NLRC5: variants seen among roughly 807,000 people sequenced by gnomAD.
NLRC5 encodes protein NLRC5.
A neutral mutation model predicts 206.9 loss-of-function variants in NLRC5; 114 were observed. The ratio of observed to expected loss-of-function variants is 0.55; its 90% CI spans 0.47 to 0.64. NLRC5 has a LOEUF of 0.64. Among genes scored for constraint, NLRC5 ranks in the 30% least tolerant of loss-of-function variants. The probability of loss-of-function intolerance (pLI) is 0.00; values close to 1 mark genes in which losing one functional copy is unlikely to be tolerated. For missense variants in NLRC5, 2,008 were observed against 2,305.5 expected, an observed-to-expected ratio of 0.87 and a Z score of 2.64; for synonymous variants, 952 against 962.8, an observed-to-expected ratio of 0.99 and a Z score of 0.21.
chr16:57,067,110 A>C (rs751046227), intron 34 of NLRC5, among the ~76,000 whole-genome samples: 9 of 152,230 alleles, frequency 5.9e-5, no homozygotes, highest in Non-Finnish European at 1.3e-4. Context: ...GCAGCCCTGC[A>C]TGTGTACATT....
rs371061436 is a variant in NLRC5, at chr16:57,023,869, G to C, written c.424+16G>C. On this transcript the variant is annotated intron_variant, in intron 5 of 48. Transcript: ENST00000688547. The stretch of plus-strand genomic sequence containing the variant: ...CAGCAGCTAGGTGGGTACCAGTGTG[G>C]GGAGGAACATAAACAGAGAGATGGG... The C allele has an allele frequency of 2.5e-5, 40 of 1,602,020 alleles. No homozygotes were observed. The highest frequency in any genetic ancestry group is 3.1e-5 in the Non-Finnish European group (36 of 1,173,604).
chr16:57,056,356 T>A (rs1461342165), intron 27 of NLRC5, among the ~76,000 whole-genome samples: 1 of 152,020 alleles, frequency 6.6e-6, no homozygotes, highest in Non-Finnish European at 1.5e-5. Flanking sequence ...AGTGGTGCAA[T>A]GATAGGTCAC....
At chr16:57,034,111 G>A (rs952148969) in intron 12 of NLRC5, 57 bp from the exon 13 acceptor site, 4 of 1,442,308 alleles carry the variant, frequency 2.8e-6, no homozygotes, top group Middle Eastern at 3.5e-4. Flanking sequence ...AAGCTGGAGG[G>A]GCCATGGAGT....
intron 2 of NLRC5, among the ~76,000 whole-genome samples, chr16:57,017,715 A>C (rs1298157445): frequency 6.6e-6 from 1 of 152,268 alleles, no homozygotes; most frequent in Non-Finnish European, 1.5e-5. Flanking sequence ...TCTTAAAACA[A>C]CTACAGGCAT....
At chr16:57,062,867 T>A (rs7192881) in intron 32 of NLRC5, 1 of 152,198 alleles carries the variant, frequency 6.6e-6, no homozygotes, top group African/African-American at 2.4e-5. Context: ...TCTTTTCCTC[T>A]TGCAAAACTG....
intron 22 of NLRC5, 61 bp downstream of exon 22, chr16:57,046,702 G>A: frequency 7.4e-7 from 1 of 1,346,738 alleles, no homozygotes; most frequent in Non-Finnish European, 1.1e-6. Flanking sequence ...GTCAGAGGGG[G>A]CAGAGCTGGC....
intron 3 of NLRC5, among the ~76,000 whole-genome samples, chr16:57,021,311 G>C (rs551696823): frequency 6.2e-4 from 95 of 152,132 alleles, no homozygotes; most frequent in African/African-American, 2.1e-3. Context: ...TTTTTGGCGG[G>C]GGTGGGGGGG....
intron 27 of NLRC5, among the ~76,000 whole-genome samples, chr16:57,056,074 T>G (rs1455128496): frequency 6.6e-6 from 1 of 152,230 alleles, no homozygotes; most frequent in African/African-American, 2.4e-5. Context: ...ATACTAGTAT[T>G]GTTCTCATTT....
chr16:57,076,930 C>G, intron 40 of NLRC5, 28 bp downstream of exon 40: 6 of 1,607,208 alleles, frequency 3.7e-6, no homozygotes, highest in Non-Finnish European at 5.1e-6. Context: ...CCCCCAGACC[C>G]AGGACAATTT....
At chr16:57,054,602 C>T in intron 24 of NLRC5, 149 bp from the exon 25 acceptor site, 1 of 713,332 alleles carries the variant, frequency 1.4e-6, no homozygotes, top group Non-Finnish European at 2.6e-6. Context: ...GCCTGTCCCT[C>T]AGCCCTATTT....
At chr16:57,063,848 C>T (rs2144739009) in intron 32 of NLRC5, among the ~76,000 whole-genome samples, 1 of 152,230 alleles carries the variant, frequency 6.6e-6, no homozygotes, top group African/African-American at 2.4e-5. Flanking sequence ...ACGCCATTCT[C>T]CTGCCTCAGC....
intron 1 of NLRC5, among the ~76,000 whole-genome samples, chr16:56,998,558 C>A (rs902709710): frequency 6.6e-6 from 1 of 152,156 alleles, no homozygotes; most frequent in Non-Finnish European, 1.5e-5. Context: ...ATGTAACTGG[C>A]CTGGCGTCAC....
intron 48 of NLRC5, 100 bp downstream of exon 48, chr16:57,081,710 G>T (rs999621192): frequency 9.2e-5 from 96 of 1,043,498 alleles, no homozygotes; most frequent in Non-Finnish European, 1.2e-4. Context: ...CCTGGGCTGG[G>T]GATTATCAAA....
chr16:57,070,024 A>C, intron 37 of NLRC5, 105 bp downstream of exon 37: 2 of 849,704 alleles, frequency 2.4e-6, no homozygotes, highest in African/African-American at 1.7e-5. Flanking sequence ...ACTTCAACCA[A>C]TGACCCTTCC....
At chr16:57,045,192 G>A (rs1250852336) in intron 20 of NLRC5, 2 of 469,904 alleles carry the variant, frequency 4.3e-6, no homozygotes, top group African/African-American at 2.0e-5. Context: ...GGGCGACAGA[G>A]CAAGACCCTT....
intron 29 of NLRC5, 65 bp downstream of exon 29, chr16:57,059,126 T>C (rs2066073072): frequency 3.1e-6 from 5 of 1,611,836 alleles, no homozygotes; most frequent in South Asian, 1.1e-5. Flanking sequence ...TGGCTGATGA[T>C]GGGAGAAGCA....
chr16:57,078,984 G>A, intron 43 of NLRC5, 66 bp from the exon 44 acceptor site: 2 of 1,437,258 alleles, frequency 1.4e-6, no homozygotes, highest in Non-Finnish European at 2.0e-6. Context: ...CCTGAGACAA[G>A]GCTGAGGGTG....
At chr16:57,055,311 G>T (rs1027268984) in intron 26 of NLRC5, 122 bp from the exon 27 acceptor site, 11 of 971,742 alleles carry the variant, frequency 1.1e-5, no homozygotes, top group Middle Eastern at 2.2e-4. Flanking sequence ...ACTTCCAGAG[G>T]GTCCAAGCTT....
intron 1 of NLRC5, among the ~76,000 whole-genome samples, chr16:56,993,114 T>C (rs1210120883): frequency 1.7e-5 from 2 of 116,822 alleles, no homozygotes; most frequent in Non-Finnish European, 3.8e-5. Flanking sequence ...TATACACGTA[T>C]ATATGTGTAT....
Sources: allele counts gnomAD v4.1 joint callset (sites outside exome capture counted in the v4.1 genomes callset), GRCh38; gene constraint gnomAD v4.1.1; transcripts MANE v1.5; gene names NCBI Gene and HGNC (gene_info 2026-07-23, HGNC 2026-07-21).